Variants in CBFA2T2 observed in about 807,000 individuals in gnomAD.
CBFA2T2 encodes CBFA2/RUNX1 partner transcriptional co-repressor 2.
A neutral mutation model predicts 62.2 loss-of-function variants in CBFA2T2; 11 were observed. The observed-to-expected ratio is 0.18, with a 90% CI of 0.11 to 0.29. The LOEUF (loss-of-function observed/expected upper bound fraction) is 0.29. Ranked by LOEUF, CBFA2T2 falls within the 10% of genes least tolerant of loss-of-function variation. The pLI is 1.00. For synonymous variants in CBFA2T2, 295 were observed against 287.5 expected, an observed-to-expected ratio of 1.03 and a Z score of -0.27; for missense variants, 592 against 774.1, an observed-to-expected ratio of 0.76 and a Z score of 2.79.
chr20:33,636,729 A>G (rs758294228), intron 9 of CBFA2T2, 21 bp downstream of exon 9: 11 of 1,564,496 alleles, frequency 7.0e-6, no homozygotes. Flanking sequence ...GACTGCTTGT[A>G]GGTCATACAT....
intron 1 of CBFA2T2, among the ~76,000 whole-genome samples, chr20:33,586,977 T>C (rs1371938566): frequency 3.9e-5 from 6 of 152,234 alleles, no homozygotes; most frequent in Non-Finnish European, 1.5e-5. Flanking sequence ...GGTCTTACTC[T>C]GTCACCCAGG....
intron 1 of CBFA2T2, among the ~76,000 whole-genome samples, chr20:33,493,098 G>A (rs1445408306): frequency 2.3e-5 from 3 of 130,576 alleles, no homozygotes; most frequent in African/African-American, 8.8e-5. Context: ...TTTTTGAGAC[G>A]GAGTTTCACT....
At chr20:33,497,274 C>CAA (rs34528525) in intron 1 of CBFA2T2, among the ~76,000 whole-genome samples, 16,122 of 56,762 alleles carry the variant, frequency 0.28, 1,937 homozygotes, top group Non-Finnish European at 0.32. Flanking sequence ...ACCCTGTCTC[C>CAA]AAAAAAAAAA....
intron 1 of CBFA2T2, among the ~76,000 whole-genome samples, chr20:33,551,391 T>G (rs781614352): frequency 2.0e-5 from 3 of 152,050 alleles, no homozygotes; most frequent in Non-Finnish European, 2.9e-5. Flanking sequence ...TAATTTTGTA[T>G]TTTTAGTAGA....
At chr20:33,579,877 C>T (rs538261796) in intron 1 of CBFA2T2, among the ~76,000 whole-genome samples, 14 of 151,156 alleles carry the variant, frequency 9.3e-5, no homozygotes, top group East Asian at 3.9e-4. Flanking sequence ...TGCAATGGCA[C>T]GGTCTCGGCT....
intron 1 of CBFA2T2, among the ~76,000 whole-genome samples, chr20:33,557,174 C>T (rs1240296795): frequency 6.6e-6 from 1 of 151,936 alleles, no homozygotes; most frequent in Non-Finnish European, 1.5e-5. Context: ...ACCACCACGC[C>T]TGGCTAATTT....
At chr20:33,583,946 GTTTGTTTA>G (rs1020123076) in intron 1 of CBFA2T2, among the ~76,000 whole-genome samples, 3 of 151,924 alleles carry the variant, frequency 2.0e-5, no homozygotes, top group East Asian at 1.9e-4. Context: ...TTGTTTGTTT[GTTTGTTTA>G]TTTATTTATT....
At chr20:33,550,831 A>G (rs555397279) in intron 1 of CBFA2T2, among the ~76,000 whole-genome samples, 2 of 152,194 alleles carry the variant, frequency 1.3e-5, no homozygotes, top group African/African-American at 2.4e-5. Flanking sequence ...CACCTTGCCC[A>G]GGCTGGTCTC....
At chr20:33,502,499 C>T (rs756704145) in intron 1 of CBFA2T2, among the ~76,000 whole-genome samples, 87 of 151,876 alleles carry the variant, frequency 5.7e-4, no homozygotes, top group Non-Finnish European at 1.1e-3. Context: ...CTCCGCCTCC[C>T]GGGTTCACGC....
At chr20:33,587,944 A>G (rs954144723) in intron 1 of CBFA2T2, among the ~76,000 whole-genome samples, 2 of 152,218 alleles carry the variant, frequency 1.3e-5, no homozygotes, top group African/African-American at 2.4e-5. Context: ...GAAAATTTTG[A>G]TAGTGATAAA....
chr20:33,508,887 G>C (rs1215268283), intron 1 of CBFA2T2, among the ~76,000 whole-genome samples: 1 of 152,182 alleles, frequency 6.6e-6, no homozygotes, highest in Admixed American at 6.5e-5. Context: ...TAGCTTGGAG[G>C]CTGCTGAAGA....
chr20:33,617,301 C>T (rs1035775794), intron 3 of CBFA2T2, among the ~76,000 whole-genome samples: 7 of 152,118 alleles, frequency 4.6e-5, no homozygotes, highest in Admixed American at 1.3e-4. Context: ...ACATGTGTAC[C>T]TCCATCATAC....
chr20:33,555,379 T>C lies in CBFA2T2; in HGVS notation c.35-51577T>C, dbSNP rs2012867712. Among the ~76,000 whole-genome samples the C allele has an allele frequency of 3.9e-5, 6 of 152,350 alleles. No homozygotes were observed. The South Asian group carries it at 1.2e-3, about 32-fold the overall frequency. Reference sequence around the variant, plus strand: ...TTAGATCATGGACTGACACACATGTTCACTTAATACCCACAAGAGTGTCTT... The same window carrying C: ...TTAGATCATGGACTGACACACATGTCCACTTAATACCCACAAGAGTGTCTT... On this transcript the variant is annotated intron_variant, in intron 1 of 10. Coordinates refer to ENST00000342704, the MANE Select transcript of CBFA2T2 (RefSeq NM_001032999.3).
At chr20:33,554,600 C>CTTTTTTTTT (rs752877501) in intron 1 of CBFA2T2, among the ~76,000 whole-genome samples, 10 of 56,278 alleles carry the variant, frequency 1.8e-4, no homozygotes, top group African/African-American at 2.9e-4. Context: ...TTTTTCTTTT[C>CTTTTTTTTT]TTTTTTTTTT....
intron 1 of CBFA2T2, among the ~76,000 whole-genome samples, chr20:33,581,554 C>T (rs934841780): frequency 1.3e-5 from 2 of 151,706 alleles, no homozygotes; most frequent in African/African-American, 4.8e-5. Flanking sequence ...TCCTGGGGAA[C>T]CAGAGGTGTT....
At chr20:33,636,069 C>A (rs2016620239) in intron 8 of CBFA2T2, among the ~76,000 whole-genome samples, 1 of 152,036 alleles carries the variant, frequency 6.6e-6, no homozygotes, top group Admixed American at 6.6e-5. Flanking sequence ...CCCTGGCCAA[C>A]ATGGTGAAAC....
At chr20:33,556,999 CTTATCTTTT>C (rs1192109172) in intron 1 of CBFA2T2, among the ~76,000 whole-genome samples, 1 of 94,846 alleles carries the variant, frequency 1.1e-5, no homozygotes, top group African/African-American at 4.6e-5. Flanking sequence ...GTGTTGCATG[CTTATCTTTT>C]TTTTTTTTTT....
chr20:33,547,194 C>T (rs530116454), intron 1 of CBFA2T2, among the ~76,000 whole-genome samples: 4 of 151,338 alleles, frequency 2.6e-5, no homozygotes, highest in South Asian at 2.1e-4. Flanking sequence ...GGCGAGACTC[C>T]GTCTCAAAAA....
chr20:33,638,195 G>C (rs1356062910), intron 9 of CBFA2T2, among the ~76,000 whole-genome samples: 1 of 151,504 alleles, frequency 6.6e-6, no homozygotes, highest in Non-Finnish European at 1.5e-5. Context: ...GGCTGGTTTC[G>C]AACTCTTGAC....
Sources: allele counts gnomAD v4.1 joint callset (sites outside exome capture counted in the v4.1 genomes callset), GRCh38; gene constraint gnomAD v4.1.1; transcripts MANE v1.5; gene names NCBI Gene and HGNC (gene_info 2026-07-23, HGNC 2026-07-21).